Variants in DIAPH3 observed in about 807,000 individuals in gnomAD.
DIAPH3 encodes the protein protein diaphanous homolog 3.
A neutral mutation model predicts 144.3 loss-of-function variants in DIAPH3; 117 were observed. The observed-to-expected ratio is 0.81, with a 90% CI of 0.70 to 0.95. The LOEUF (loss-of-function observed/expected upper bound fraction) is 0.95, where lower values mean the gene tolerates loss of function less well. DIAPH3 is among the 40% of genes least tolerant of loss of function. The pLI, the probability that DIAPH3 is intolerant of heterozygous loss-of-function variation, is 0.00. For missense variants in DIAPH3, 1,421 were observed against 1,412.7 expected (o/e 1.01, Z -0.09); for synonymous variants, 519 against 488.9 (o/e 1.06, Z -0.81).
At chr13:60,047,030 T>G (rs2056102834) in intron 4 of DIAPH3, among the ~76,000 whole-genome samples, 1 of 152,068 alleles carries the variant, frequency 6.6e-6, no homozygotes. Flanking sequence ...ATGTAAATGA[T>G]GGGTTGATAG....
At chr13:59,828,117 C>G (rs1287300854) in intron 24 of DIAPH3, among the ~76,000 whole-genome samples, 2 of 151,976 alleles carry the variant, frequency 1.3e-5, no homozygotes, top group Non-Finnish European at 2.9e-5. Context: ...ATTTACTCAG[C>G]ATATAGTATG....
intron 25 of DIAPH3, among the ~76,000 whole-genome samples, chr13:59,804,896 T>C (rs1054067215): frequency 1.1e-4 from 16 of 152,302 alleles, no homozygotes; most frequent in East Asian, 1.9e-4. Flanking sequence ...TCTGTTGAGA[T>C]TGGCAGAGAC....
chr13:59,992,336 T>C (rs1377910403), intron 10 of DIAPH3, 137 bp downstream of exon 10: 1 of 1,025,696 alleles, frequency 9.7e-7, no homozygotes, highest in Non-Finnish European at 1.4e-6. Flanking sequence ...TCTTATCATC[T>C]ATATTTCAAA....
chr13:60,029,592 C>T (rs1267828630), intron 5 of DIAPH3, among the ~76,000 whole-genome samples: 2 of 152,318 alleles, frequency 1.3e-5, no homozygotes, highest in East Asian at 3.9e-4. Context: ...TGCCCTGCTT[C>T]CACTCACTCC....
At chr13:59,955,786 A>G (rs1311049340) in intron 17 of DIAPH3, among the ~76,000 whole-genome samples, 1 of 152,208 alleles carries the variant, frequency 6.6e-6, no homozygotes, top group African/African-American at 2.4e-5. Context: ...CAAAATGCTG[A>G]CAGTAATATT....
chr13:59,678,212 A>G (rs537751816), intron 27 of DIAPH3, among the ~76,000 whole-genome samples: 9 of 152,118 alleles, frequency 5.9e-5, no homozygotes, highest in Middle Eastern at 3.4e-3. Context: ...TTATTGTTCT[A>G]TTCATAGCAC....
chr13:59,709,747 A>G (rs2138819391), intron 27 of DIAPH3, among the ~76,000 whole-genome samples: 1 of 152,328 alleles, frequency 6.6e-6, no homozygotes, highest in Admixed American at 6.5e-5. Flanking sequence ...ATTACTGGGT[A>G]TATACCCAAA....
At chr13:59,994,578 T>C (rs1011798380) in intron 9 of DIAPH3, among the ~76,000 whole-genome samples, 3 of 151,844 alleles carry the variant, frequency 2.0e-5, no homozygotes, top group African/African-American at 7.3e-5. Context: ...AGAAATATGT[T>C]TGGTAAATAA....
In DIAPH3 at chr13:60,008,583, A is replaced by T; in HGVS notation, c.975T>A (p.Cys325Ter). 10 of 1,613,824 alleles carry T rather than the reference A, an allele frequency of 6.2e-6. No individual in the cohort carries two copies. Among genetic ancestry groups the T allele is most frequent in the Non-Finnish European group, 8.5e-6 (10 of 1,179,894 alleles). The change falls in exon 9 of 28, where the codon TGT becomes TGA. Residue 325 changes from cysteine (C) to a stop codon, truncating the protein, a stop_gained. Coordinates refer to ENST00000400324, the MANE Select transcript of DIAPH3 (RefSeq NM_001042517.2). LOFTEE classifies it high-confidence loss of function. Reference protein sequence around the residue: ...GEEKKIDRFFCIVEGLRHNSV... With the variant: ...GEEKKIDRFF ...AATTGTGCCGGAGGCCTTCCACAAT[A>T]CAAAAAAATCTGTCAATTTTTTTTT...
At chr13:59,773,208 G>A (rs1461774408) in intron 27 of DIAPH3, among the ~76,000 whole-genome samples, 1 of 152,114 alleles carries the variant, frequency 6.6e-6, no homozygotes, top group Non-Finnish European at 1.5e-5. Context: ...TACCTTTACT[G>A]TCATTTGTTA....
At chr13:60,008,326 G>A (rs1665987661) in intron 9 of DIAPH3, among the ~76,000 whole-genome samples, 1 of 152,134 alleles carries the variant, frequency 6.6e-6, no homozygotes, top group East Asian at 1.9e-4. Context: ...AACCCAGGAG[G>A]CAGAGCTTTC....
intron 21 of DIAPH3, among the ~76,000 whole-genome samples, chr13:59,867,773 G>A (rs1393928027): frequency 6.6e-6 from 1 of 152,020 alleles, no homozygotes; most frequent in Non-Finnish European, 1.5e-5. Context: ...ATATAAAACA[G>A]CTCAATGTTC....
At chr13:59,767,910 G>A (rs1356046968) in intron 27 of DIAPH3, among the ~76,000 whole-genome samples, 1 of 151,844 alleles carries the variant, frequency 6.6e-6, no homozygotes, top group Non-Finnish European at 1.5e-5. Context: ...TTAAGAGTCT[G>A]TTTGATAATG....
intron 17 of DIAPH3, among the ~76,000 whole-genome samples, chr13:59,944,491 T>A (rs1306864297): frequency 1.3e-5 from 2 of 152,106 alleles, no homozygotes; most frequent in East Asian, 3.9e-4. Flanking sequence ...AAAATATAGA[T>A]GAATCCAAAA....
At chr13:59,972,479 C>T (rs1203674535) in intron 15 of DIAPH3, among the ~76,000 whole-genome samples, 3 of 152,088 alleles carry the variant, frequency 2.0e-5, no homozygotes, top group Admixed American at 2.0e-4. Flanking sequence ...TTTGAATTTT[C>T]ATGGCACAAT....
intron 17 of DIAPH3, among the ~76,000 whole-genome samples, chr13:59,955,364 C>A (rs1487673761): frequency 6.6e-6 from 1 of 152,018 alleles, no homozygotes; most frequent in African/African-American, 2.4e-5. Context: ...TTATAAAGGG[C>A]AGTTCCCCTG....
At chr13:59,959,511 G>A (rs1315416370) in intron 17 of DIAPH3, among the ~76,000 whole-genome samples, 1 of 152,158 alleles carries the variant, frequency 6.6e-6, no homozygotes, top group African/African-American at 2.4e-5. Flanking sequence ...AAGCCCGTGT[G>A]AGTCTTTAAA....
intron 24 of DIAPH3, among the ~76,000 whole-genome samples, chr13:59,832,000 T>C (rs928764958): frequency 4.7e-4 from 72 of 151,978 alleles, no homozygotes; most frequent in African/African-American, 1.6e-3. Context: ...GACACATAAC[T>C]CGTATGAAAT....
chr13:60,124,120 A>T (rs12584404), intron 2 of DIAPH3, among the ~76,000 whole-genome samples: 6,820 of 152,262 alleles, frequency 0.045, 196 homozygotes, highest in East Asian at 0.1. Flanking sequence ...TCACATCGGA[A>T]TGTACTAGAG....
Sources: gnomAD v4.1 joint callset for allele counts (sites outside exome capture counted in the v4.1 genomes callset) on GRCh38, gnomAD v4.1.1 for gene constraint, MANE v1.5 for transcripts, NCBI Gene and HGNC (gene_info 2026-07-23, HGNC 2026-07-21) for gene names.